The following MAPK4 variants were observed in gnomAD, a reference collection of about 807,000 sequenced individuals.
MAPK4 encodes the protein Erk3-related.
In MAPK4, 22 loss-of-function variants were observed where a neutral mutation model predicts 47.7. The observed-to-expected ratio is 0.46, with a 90% CI of 0.33 to 0.66. The LOEUF is 0.66. Among genes scored for constraint, MAPK4 ranks in the 30% least tolerant of loss-of-function variants. The probability of loss-of-function intolerance (pLI) is 0.02; values close to 1 mark genes in which losing one functional copy is unlikely to be tolerated. For missense variants in MAPK4, 736 were observed against 831.7 expected, an observed-to-expected ratio of 0.88 and a Z score of 1.42; for synonymous variants, 390 against 365.7, an observed-to-expected ratio of 1.07 and a Z score of -0.76.
At chr18:50,674,076 C>A (rs1056145852) in intron 2 of MAPK4, among the ~76,000 whole-genome samples, 3 of 152,046 alleles carry the variant, frequency 2.0e-5, no homozygotes, top group African/African-American at 7.2e-5. Context: ...TAATGAGCTC[C>A]TCCTTCCTTT....
At chr18:50,694,588 G>A (rs761487605) in intron 2 of MAPK4, among the ~76,000 whole-genome samples, 1 of 152,218 alleles carries the variant, frequency 6.6e-6, no homozygotes, top group Non-Finnish European at 1.5e-5. Flanking sequence ...CACTCTGGTG[G>A]ACCCAGAATA....
chr18:50,599,457 C>T (rs768797855), intron 1 of MAPK4, among the ~76,000 whole-genome samples: 3 of 152,078 alleles, frequency 2.0e-5, no homozygotes, highest in Non-Finnish European at 4.4e-5. Flanking sequence ...GTCCCGCTGT[C>T]GCCCAGGTTG....
upstream of MAPK4, among the ~76,000 whole-genome samples, chr18:50,559,924 G>C (rs979198914): frequency 6.6e-6 from 1 of 151,116 alleles, no homozygotes; most frequent in Non-Finnish European, 1.5e-5. Flanking sequence ...CGGGAGGGCA[G>C]AGCAGGGCGC....
intron 1 of MAPK4, among the ~76,000 whole-genome samples, chr18:50,641,694 T>C (rs2042942575): frequency 6.6e-6 from 1 of 152,218 alleles, no homozygotes; most frequent in Admixed American, 6.5e-5. Context: ...CCATTTGCTG[T>C]AACTTATCTG....
chr18:50,623,719 A>G lies in MAPK4; in HGVS notation c.-870-39370A>G, dbSNP rs575106021. On this transcript the variant is annotated intron_variant, in intron 1 of 5. Transcript: ENST00000400384. ...AACTTGTAAACGTGCAAATCAGACT[A>G]CATCATTTCCCTGCTTGGAACACTT... Among the ~76,000 whole-genome samples, 7 of 152,348 alleles carry G rather than the reference A, an allele frequency of 4.6e-5. No individual in the cohort carries two copies. The South Asian group carries it at 1.5e-3, about 32-fold the overall frequency.
intron 1 of MAPK4, among the ~76,000 whole-genome samples, chr18:50,641,126 G>A (rs1598856265): frequency 6.6e-6 from 1 of 152,174 alleles, no homozygotes; most frequent in Non-Finnish European, 1.5e-5. Flanking sequence ...TCCATTCTTT[G>A]TCTTCTCACT....
chr18:50,702,692 A>G (rs1909856236), intron 2 of MAPK4, among the ~76,000 whole-genome samples: 1 of 152,148 alleles, frequency 6.6e-6, no homozygotes, highest in Non-Finnish European at 1.5e-5. Context: ...CCTTCTTCAT[A>G]CAGTGACTGC....
intron 1 of MAPK4, among the ~76,000 whole-genome samples, chr18:50,658,379 T>C (rs1701273392): frequency 6.6e-6 from 1 of 152,198 alleles, no homozygotes; most frequent in Non-Finnish European, 1.5e-5. Flanking sequence ...GCGTGAGTGT[T>C]GGACTTGGAC....
At chr18:50,585,001 A>G (rs750205488) in intron 1 of MAPK4, among the ~76,000 whole-genome samples, 5 of 152,242 alleles carry the variant, frequency 3.3e-5, no homozygotes, top group Non-Finnish European at 7.3e-5. Flanking sequence ...TTTCTTGTCC[A>G]TCATTTGATT....
chr18:50,693,492 G>A (rs888766686), intron 2 of MAPK4, among the ~76,000 whole-genome samples: 5 of 152,204 alleles, frequency 3.3e-5, no homozygotes, highest in Non-Finnish European at 7.3e-5. Flanking sequence ...AATTCACCAA[G>A]AGTCACAGCT....
At chr18:50,714,659 G>C (rs1014085912) in intron 2 of MAPK4, among the ~76,000 whole-genome samples, 1 of 152,216 alleles carries the variant, frequency 6.6e-6, no homozygotes, top group African/African-American at 2.4e-5. Flanking sequence ...CTAATTCTGA[G>C]ATTCATCCAC....
chr18:50,700,380 T>C (rs903054377), intron 2 of MAPK4, among the ~76,000 whole-genome samples: 1 of 152,204 alleles, frequency 6.6e-6, no homozygotes, highest in Non-Finnish European at 1.5e-5. Context: ...ACCTAGTCCC[T>C]CTTGACAAAC....
Position 50,715,192 on chromosome 18 carries a change from T to C in MAPK4, c.660T>C (p.Ala220=), listed in dbSNP as rs1422119862. 1 of 1,612,452 alleles carries C rather than the reference T, an allele frequency of 6.2e-7. No individual in the cohort carries two copies. Among genetic ancestry groups the C allele is most frequent in the Non-Finnish European group, 8.5e-7 (1 of 1,178,464 alleles). Residue 220 remains alanine, a synonymous_variant, in exon 3 of 6, where the codon GCT becomes GCC. Transcript: ENST00000400384. ...IDMWAAGCIL[A]EMLTGRMLFA... ...TGTGGGCCGCCGGCTGCATCCTGGC[T>C]GAGATGCTTACGGGGAGAATGCTCT...
rs145795300 is a variant in MAPK4, at chr18:50,597,651, A to T, written c.-871+37408A>T. 2.0e-3 allele frequency among the ~76,000 whole-genome samples: 309 copies of T among 152,324 alleles called. 1 individual carries two copies. Among genetic ancestry groups the T allele is most frequent in the African/African-American group, 7.1e-3 (297 of 41,568 alleles). ...GTGGGACAGAAAGAAGACATTGATC[A>T]TGTTGGACCAGGAGGCACCCCCAGG... is the stretch of plus-strand genomic sequence containing the variant. On this transcript the variant is annotated intron_variant, in intron 1 of 5. Coordinates refer to ENST00000400384, the MANE Select transcript of MAPK4 (RefSeq NM_002747.4).
intron 2 of MAPK4, among the ~76,000 whole-genome samples, chr18:50,672,315 T>C (rs1219894109): frequency 6.6e-6 from 1 of 152,232 alleles, no homozygotes. Flanking sequence ...GAAAGGTCAC[T>C]TTCTTCTGAA....
chr18:50,683,794 A>G (rs1908717424), intron 2 of MAPK4, among the ~76,000 whole-genome samples: 1 of 152,132 alleles, frequency 6.6e-6, no homozygotes, highest in Non-Finnish European at 1.5e-5. Flanking sequence ...CTGCAGGAGA[A>G]CTGGCAACAC....
chr18:50,683,781 G>C (rs948876250), intron 2 of MAPK4, among the ~76,000 whole-genome samples: 1 of 152,132 alleles, frequency 6.6e-6, no homozygotes, highest in Non-Finnish European at 1.5e-5. Context: ...CTCCCTCCCA[G>C]AGCTGCAGGA....
chr18:50,729,595 G>A lies in MAPK4; in HGVS notation c.1505G>A (p.Gly502Asp). Residue 502 changes from glycine to aspartate, a missense_variant, in exon 6 of 6, where the codon GGC (glycine) becomes GAC (aspartate). Transcript: ENST00000400384. ...EIAQWVKSTQ[G>D]GPEHASPPAD... Reference sequence around the variant, plus strand: ...GCGCAGTGGGTCAAGAGCACGCAGGGCGGCCCAGAGCACGCCAGCCCGCCC... The same window carrying A: ...GCGCAGTGGGTCAAGAGCACGCAGGACGGCCCAGAGCACGCCAGCCCGCCC... The A allele has an allele frequency of 1.5e-6, 2 of 1,366,344 alleles. No individual in the cohort carries two copies. The highest frequency in any genetic ancestry group is 1.9e-6 in the Non-Finnish European group (2 of 1,061,584). 84.6% of individuals were successfully genotyped at this position (1,366,344 alleles called of 1,614,324 possible). A position where few individuals can be genotyped will look rare whatever the true frequency, so the allele number is the denominator to read the frequency against.
At chr18:50,605,230 C>G (rs148690390) in intron 1 of MAPK4, among the ~76,000 whole-genome samples, 288 of 152,320 alleles carry the variant, frequency 1.9e-3, no homozygotes, top group African/African-American at 6.7e-3. Context: ...ATCTGTCTGC[C>G]TCTCTGGGCC....
Sources: allele counts gnomAD v4.1 joint callset (sites outside exome capture counted in the v4.1 genomes callset), GRCh38; gene constraint gnomAD v4.1.1; transcripts MANE v1.5; gene names NCBI Gene and HGNC (gene_info 2026-07-23, HGNC 2026-07-21).